PTPRN2: variants seen among roughly 807,000 people sequenced by gnomAD.
PTPRN2 encodes the protein receptor-type tyrosine-protein phosphatase N2.
In PTPRN2, 74 loss-of-function variants were observed where a neutral mutation model predicts 118.8. The observed-to-expected ratio is 0.62, with a 90% CI of 0.52 to 0.76. PTPRN2 has a LOEUF of 0.76. PTPRN2 is among the 30% of genes least tolerant of loss of function. PTPRN2 has a pLI of 0.00. For synonymous variants in PTPRN2, 641 were observed against 608.0 expected (o/e 1.05, Z -0.80); for missense variants, 1,481 against 1,394.4 (o/e 1.06, Z -0.99).
intron 1 of PTPRN2, among the ~76,000 whole-genome samples, chr7:158,515,397 G>T (rs1823476418): frequency 6.6e-6 from 1 of 152,002 alleles, no homozygotes; most frequent in Non-Finnish European, 1.5e-5. Context: ...ATGTTGGTCA[G>T]GCTAGTCTCA....
At chr7:157,934,836 G>A (rs1799602699) in intron 11 of PTPRN2, among the ~76,000 whole-genome samples, 1 of 152,188 alleles carries the variant, frequency 6.6e-6, no homozygotes, top group Non-Finnish European at 1.5e-5. Context: ...TTTGTACAGT[G>A]CAGGTCTAAC....
At chr7:158,342,365 A>C (rs371306453) in intron 2 of PTPRN2, among the ~76,000 whole-genome samples, 1 of 135,392 alleles carries the variant, frequency 7.4e-6, no homozygotes, top group East Asian at 2.1e-4. Context: ...TCACACCCAC[A>C]CTCTCACCAT....
chr7:158,472,776 C>T (rs570374013), intron 2 of PTPRN2, among the ~76,000 whole-genome samples: 1 of 152,192 alleles, frequency 6.6e-6, no homozygotes, highest in African/African-American at 2.4e-5. Flanking sequence ...ATAACAAGGC[C>T]GTTGCATGCA....
intron 2 of PTPRN2, among the ~76,000 whole-genome samples, chr7:158,489,388 A>G (rs1408198990): frequency 6.6e-6 from 1 of 152,262 alleles, no homozygotes; most frequent in African/African-American, 2.4e-5. Context: ...CGAAGGTTGC[A>G]GTGAGAGGAG....
intron 9 of PTPRN2, among the ~76,000 whole-genome samples, chr7:158,132,918 C>CA (rs1818491463): frequency 6.6e-6 from 1 of 152,160 alleles, no homozygotes; most frequent in Non-Finnish European, 1.5e-5. Flanking sequence ...TCCAGGCAGA[C>CA]ACGTCCTTCT....
At chr7:158,289,941 G>A (rs1260871258) in intron 3 of PTPRN2, among the ~76,000 whole-genome samples, 3 of 152,210 alleles carry the variant, frequency 2.0e-5, no homozygotes, top group Non-Finnish European at 4.4e-5. Context: ...TAGCAGGTGA[G>A]TGAGCCTTGG....
Position 157,874,770 on chromosome 7 carries a change from C to G in PTPRN2, c.1788+23903G>C, listed in dbSNP as rs1795618498. On this transcript the variant is annotated intron_variant, in intron 12 of 22. Coordinates refer to ENST00000389418, the MANE Select transcript of PTPRN2 (RefSeq NM_002847.5). The surrounding 1 kb of genome is among the most constrained non-coding windows in gnomAD (Gnocchi z 5.8). The stretch of plus-strand genomic sequence containing the variant: ...ATACACAGACACACACTCATGCACA[C>G]ACACACGAACACACTCATACACATA... 6.6e-6 allele frequency among the ~76,000 whole-genome samples: 1 copy of G among 151,536 alleles called. No individual in the cohort carries two copies. The highest frequency in any genetic ancestry group is 1.5e-5 in the Non-Finnish European group (1 of 67,828).
intron 11 of PTPRN2, among the ~76,000 whole-genome samples, chr7:158,061,801 A>G (rs1370413829): frequency 6.6e-6 from 1 of 152,252 alleles, no homozygotes; most frequent in Non-Finnish European, 1.5e-5. Context: ...AACATCACAC[A>G]AGACGCTCTG....
At chr7:158,071,369 G>GGTGGAGGTGCTC (rs1563390777) in intron 11 of PTPRN2, among the ~76,000 whole-genome samples, 63 of 76,914 alleles carry the variant, frequency 8.2e-4, no homozygotes, top group Non-Finnish European at 1.3e-3. Flanking sequence ...AGGTGCTCAT[G>GGTGGAGGTGCTC]GTGGTGGAGG....
intron 2 of PTPRN2, among the ~76,000 whole-genome samples, chr7:158,459,066 G>A (rs1397802661): frequency 1.3e-5 from 2 of 152,188 alleles, no homozygotes; most frequent in African/African-American, 4.8e-5. Context: ...CGGAGCCTTG[G>A]TGTGGCTGCC....
chr7:158,378,093 T>C (rs917510842), intron 2 of PTPRN2, among the ~76,000 whole-genome samples: 3 of 152,188 alleles, frequency 2.0e-5, no homozygotes, highest in African/African-American at 7.2e-5. Context: ...ATACACCTCC[T>C]CCTGACTCCT....
intron 2 of PTPRN2, among the ~76,000 whole-genome samples, chr7:158,344,390 T>C (rs1807330830): frequency 6.6e-6 from 1 of 152,200 alleles, no homozygotes; most frequent in African/African-American, 2.4e-5. Flanking sequence ...CAAGGGAGGC[T>C]GTTTCAAGTT....
At chr7:157,966,162 C>T (rs1189368968) in intron 11 of PTPRN2, among the ~76,000 whole-genome samples, 1 of 152,094 alleles carries the variant, frequency 6.6e-6, no homozygotes, top group East Asian at 1.9e-4. Flanking sequence ...TTGGAAATTG[C>T]TTTGAAAACA....
intron 2 of PTPRN2, among the ~76,000 whole-genome samples, chr7:158,325,739 A>G (rs943900017): frequency 8.5e-5 from 13 of 152,174 alleles, no homozygotes; most frequent in Admixed American, 6.5e-5. Flanking sequence ...CCGGGCAGGC[A>G]GAACCCCGGC....
intron 1 of PTPRN2, chr7:158,541,419 C>T (rs772916080): frequency 1.8e-5 from 24 of 1,343,126 alleles, no homozygotes; most frequent in Admixed American, 1.6e-4. Context: ...TTATTCCACC[C>T]GGTTACCTGC....
chr7:158,131,362 C>T (rs1167437763), intron 9 of PTPRN2, among the ~76,000 whole-genome samples: 1 of 125,736 alleles, frequency 8.0e-6, no homozygotes, highest in Non-Finnish European at 1.6e-5. Flanking sequence ...AACCAATACA[C>T]ATCTACCCGA....
chr7:157,563,042 A>G (rs172706), intron 21 of PTPRN2, among the ~76,000 whole-genome samples: 54,305 of 56,244 alleles, frequency 0.97, 26,361 homozygotes, highest in Middle Eastern at 1. Flanking sequence ...TCAGGACCAC[A>G]TGCTCCCGCA....
At chr7:157,849,249 C>T (rs998826877) in intron 12 of PTPRN2, among the ~76,000 whole-genome samples, 5 of 152,214 alleles carry the variant, frequency 3.3e-5, no homozygotes, top group Admixed American at 6.5e-5. Flanking sequence ...CTGGAGTTCG[C>T]GGTGCCTTTC....
chr7:157,742,800 G>C (rs2150964939), intron 12 of PTPRN2, among the ~76,000 whole-genome samples: 1 of 152,214 alleles, frequency 6.6e-6, no homozygotes, highest in East Asian at 1.9e-4. Flanking sequence ...GAAAGACACA[G>C]TCTCAGTGAG....
Sources: allele counts gnomAD v4.1 joint callset (sites outside exome capture counted in the v4.1 genomes callset), GRCh38; gene constraint gnomAD v4.1.1; non-coding constraint Gnocchi (gnomAD v3.1); transcripts MANE v1.5; gene names NCBI Gene and HGNC (gene_info 2026-07-23, HGNC 2026-07-21).